The following ROBO2 variants were observed in gnomAD, a reference collection of about 807,000 sequenced individuals.
ROBO2 encodes the protein roundabout homolog 2.
A neutral mutation model predicts 160.8 loss-of-function variants in ROBO2; 53 were observed. That is an observed-to-expected ratio of 0.33 (90% CI 0.26 to 0.41). The LOEUF is 0.41. Ranked by LOEUF, ROBO2 falls within the 10% of genes least tolerant of loss-of-function variation. ROBO2 has a pLI of 1.00. For synonymous variants in ROBO2, 664 were observed against 611.7 expected (o/e 1.09, Z -1.26); for missense variants, 1,577 against 1,722.4 (o/e 0.92, Z 1.49).
At chr3:77,191,379 G>A (rs537956653) in intron 2 of ROBO2, among the ~76,000 whole-genome samples, 24 of 152,128 alleles carry the variant, frequency 1.6e-4, no homozygotes, top group South Asian at 6.2e-4. Flanking sequence ...TCAGGGACTC[G>A]GTGATAGGCC....
intron 2 of ROBO2, among the ~76,000 whole-genome samples, chr3:76,918,888 TG>T (rs1355422908): frequency 6.6e-6 from 1 of 152,216 alleles, no homozygotes; most frequent in African/African-American, 2.4e-5. Flanking sequence ...TATCTCATTG[TG>T]GTTTTGATTT....
chr3:76,450,703 A>G (rs2077428872), intron 2 of ROBO2, among the ~76,000 whole-genome samples: 3 of 152,124 alleles, frequency 2.0e-5, no homozygotes, highest in South Asian at 4.1e-4. Context: ...CTTGCATTCA[A>G]TGTTGAGTTA....
intron 2 of ROBO2, among the ~76,000 whole-genome samples, chr3:76,203,683 G>C (rs546251547): frequency 1.3e-5 from 2 of 151,564 alleles, no homozygotes; most frequent in Admixed American, 6.6e-5. Flanking sequence ...CACAGGTCAC[G>C]GTTCTAGTAA....
intron 1 of ROBO2, among the ~76,000 whole-genome samples, chr3:75,924,798 C>T (rs759277923): frequency 1.0e-4 from 15 of 143,508 alleles, no homozygotes; most frequent in South Asian, 2.3e-4. Flanking sequence ...CCGCCATTCT[C>T]CTGCCTCAGC....
intron 2 of ROBO2, among the ~76,000 whole-genome samples, chr3:76,868,005 T>C (rs1332061186): frequency 1.3e-5 from 2 of 152,198 alleles, no homozygotes; most frequent in Non-Finnish European, 2.9e-5. Context: ...CCCCTCGAGA[T>C]ACAAAATAAT....
intron 2 of ROBO2, among the ~76,000 whole-genome samples, chr3:76,171,476 T>C (rs1381572619): frequency 6.6e-6 from 1 of 152,148 alleles, no homozygotes; most frequent in Non-Finnish European, 1.5e-5. Context: ...CCTTTATGTC[T>C]TTAAACTTAA....
chr3:77,383,074 C>T (rs1560683418), intron 2 of ROBO2, among the ~76,000 whole-genome samples: 1 of 152,104 alleles, frequency 6.6e-6, no homozygotes, highest in Admixed American at 6.5e-5. Context: ...TTTGCATATG[C>T]ATTTAAAATA....
At chr3:77,285,833 AG>A (rs1348407738) in intron 2 of ROBO2, among the ~76,000 whole-genome samples, 1 of 152,226 alleles carries the variant, frequency 6.6e-6, no homozygotes, top group African/African-American at 2.4e-5. Context: ...ATAGAGAGAT[AG>A]GTTTGAGTAG....
chr3:77,478,049 T>C (rs1335876105), intron 3 of ROBO2, among the ~76,000 whole-genome samples: 1 of 151,930 alleles, frequency 6.6e-6, no homozygotes, highest in Non-Finnish European at 1.5e-5. Context: ...ATGGTCTCCA[T>C]CTCTTGACCT....
chr3:76,437,811 C>T (rs1339432902), intron 2 of ROBO2, among the ~76,000 whole-genome samples: 1 of 152,116 alleles, frequency 6.6e-6, no homozygotes, highest in Non-Finnish European at 1.5e-5. Context: ...TGGCTGTCTA[C>T]CCTTTTTCCA....
intron 2 of ROBO2, among the ~76,000 whole-genome samples, chr3:76,751,901 A>G (rs2060675939): frequency 6.6e-6 from 1 of 152,160 alleles, no homozygotes; most frequent in African/African-American, 2.4e-5. Context: ...TCAAGGATCT[A>G]GAACTAGAAA....
chr3:77,327,506 T>C (rs1399898393), intron 2 of ROBO2, among the ~76,000 whole-genome samples: 2 of 152,128 alleles, frequency 1.3e-5, no homozygotes, highest in Non-Finnish European at 2.9e-5. Context: ...ACCATGCCCT[T>C]GAAAACCGGA....
At chr3:76,880,849 C>T (rs1257501634) in intron 2 of ROBO2, among the ~76,000 whole-genome samples, 1 of 152,138 alleles carries the variant, frequency 6.6e-6, no homozygotes, top group Non-Finnish European at 1.5e-5. Context: ...GAAGTTTGGA[C>T]TTTGTGATAC....
intron 2 of ROBO2, among the ~76,000 whole-genome samples, chr3:76,685,091 A>T (rs919569570): frequency 3.9e-5 from 6 of 151,934 alleles, no homozygotes; most frequent in African/African-American, 1.4e-4. Flanking sequence ...GAACAATCAC[A>T]AGAGTTAATT....
At chr3:75,975,887 G>A (rs964616970) in intron 2 of ROBO2, among the ~76,000 whole-genome samples, 1 of 151,538 alleles carries the variant, frequency 6.6e-6, no homozygotes, top group Non-Finnish European at 1.5e-5. Flanking sequence ...CTACAGGACT[G>A]GGGGGCTTTT....
intron 2 of ROBO2, among the ~76,000 whole-genome samples, chr3:77,350,110 A>AT (rs1422780584): frequency 5.7e-4 from 86 of 149,906 alleles, no homozygotes; most frequent in Non-Finnish European, 1.2e-3. Context: ...TATATATATA[A>AT]TATATATATA....
chr3:76,903,568 A>T (rs1371511096), intron 2 of ROBO2, among the ~76,000 whole-genome samples: 1 of 152,060 alleles, frequency 6.6e-6, no homozygotes, highest in East Asian at 1.9e-4. Flanking sequence ...CCATCCCAGT[A>T]CTGGTAGTTT....
intron 2 of ROBO2, among the ~76,000 whole-genome samples, chr3:76,686,297 T>G (rs1298924681): frequency 6.6e-6 from 1 of 152,042 alleles, no homozygotes; most frequent in African/African-American, 2.4e-5. Flanking sequence ...CATTTAGAGG[T>G]TTCAGTGTTA....
intron 2 of ROBO2, among the ~76,000 whole-genome samples, chr3:76,892,388 C>T (rs1277410252): frequency 6.6e-6 from 1 of 152,108 alleles, no homozygotes; most frequent in Non-Finnish European, 1.5e-5. Flanking sequence ...TCTACTTAGC[C>T]CATAGCCATT....
Sources: allele counts gnomAD v4.1 joint callset (sites outside exome capture counted in the v4.1 genomes callset), GRCh38; gene constraint gnomAD v4.1.1; transcripts MANE v1.5; gene names NCBI Gene and HGNC (gene_info 2026-07-23, HGNC 2026-07-21).